The following XYLT1 variants were observed in gnomAD, a reference collection of about 807,000 sequenced individuals.
XYLT1 encodes xylosyltransferase 1, also known as beta-D-xylosyltransferase 1.
In XYLT1, 36 loss-of-function variants were observed where a neutral mutation model predicts 91.3. The ratio of observed to expected loss-of-function variants is 0.39; its 90% CI spans 0.30 to 0.52. XYLT1 has a LOEUF of 0.52. Among genes scored for constraint, XYLT1 ranks in the 20% least tolerant of loss-of-function variants. The probability of loss-of-function intolerance (pLI) is 0.68; values close to 1 mark genes in which losing one functional copy is unlikely to be tolerated. For missense variants in XYLT1, 1,242 were observed against 1,284.5 expected, an observed-to-expected ratio of 0.97 and a Z score of 0.51; for synonymous variants, 588 against 532.0, an observed-to-expected ratio of 1.11 and a Z score of -1.45.
chr16:17,262,586 G>T lies in XYLT1; in HGVS notation c.403-3088C>A, dbSNP rs562882615. On this transcript the variant is annotated intron_variant, in intron 2 of 11. Coordinates refer to ENST00000261381, the MANE Select transcript of XYLT1 (RefSeq NM_022166.4). ...AATCATTTCTGTTCCATTCCTTCTA[G>T]GGATGTGTTAGGATTGTATGTCCCT... Among the ~76,000 whole-genome samples the T allele has an allele frequency of 9.9e-5, 15 of 152,262 alleles. No homozygotes were observed. The East Asian group carries it at 2.5e-3, about 25-fold the overall frequency.
At chr16:17,141,016 AC>A in intron 7 of XYLT1, 136 bp downstream of exon 7, 1 of 838,614 alleles carries the variant, frequency 1.2e-6, no homozygotes, top group South Asian at 1.6e-5. Flanking sequence ...TCCTGCTAAG[AC>A]AGCAAGGATG....
intron 11 of XYLT1, among the ~76,000 whole-genome samples, chr16:17,112,679 T>C (rs1966844495): frequency 6.6e-6 from 1 of 152,100 alleles, no homozygotes; most frequent in South Asian, 2.1e-4. Context: ...GGGGGTGGGA[T>C]TGGGCCTGGT....
chr16:17,456,332 C>CA (rs2036741551), intron 1 of XYLT1, among the ~76,000 whole-genome samples: 1 of 114,176 alleles, frequency 8.8e-6, no homozygotes, highest in Non-Finnish European at 1.7e-5. Flanking sequence ...CAGTACAAAC[C>CA]TTTTTTTTTT....
intron 1 of XYLT1, among the ~76,000 whole-genome samples, chr16:17,379,986 A>C (rs914376392): frequency 6.6e-6 from 1 of 152,108 alleles, no homozygotes; most frequent in Non-Finnish European, 1.5e-5. Context: ...TCTGGCAACA[A>C]TGCTAAGAGG....
intron 2 of XYLT1, among the ~76,000 whole-genome samples, chr16:17,292,767 G>A (rs559524406): frequency 6.6e-6 from 1 of 152,234 alleles, no homozygotes; most frequent in African/African-American, 2.4e-5. Context: ...CCCACACATG[G>A]TCTTTCAGAA....
chr16:17,197,758 C>T (rs1472429835), intron 5 of XYLT1, among the ~76,000 whole-genome samples: 3 of 152,220 alleles, frequency 2.0e-5, no homozygotes, highest in South Asian at 4.1e-4. Context: ...AGACTGAAGA[C>T]TGCACTGTGG....
intron 2 of XYLT1, among the ~76,000 whole-genome samples, chr16:17,333,582 AT>A (rs2034933819): frequency 7.6e-6 from 1 of 132,042 alleles, no homozygotes; most frequent in South Asian, 2.3e-4. Flanking sequence ...TAATTAATTA[AT>A]TTAATTTATT....
chr16:17,292,468 G>C (rs2034244830), intron 2 of XYLT1, among the ~76,000 whole-genome samples: 1 of 152,052 alleles, frequency 6.6e-6, no homozygotes, highest in Non-Finnish European at 1.5e-5. Context: ...CTCTGTATTT[G>C]CTGAGCTGAT....
chr16:17,306,950 A>G (rs942452041), intron 2 of XYLT1, among the ~76,000 whole-genome samples: 1 of 152,196 alleles, frequency 6.6e-6, no homozygotes, highest in Non-Finnish European at 1.5e-5. Flanking sequence ...TCAGAGCTGA[A>G]GCCTGAACTT....
At chr16:17,182,508 G>C (rs562698012) in intron 5 of XYLT1, among the ~76,000 whole-genome samples, 33 of 152,278 alleles carry the variant, frequency 2.2e-4, no homozygotes, top group Admixed American at 2.0e-3. Flanking sequence ...ACAAGGGTTA[G>C]AGCTTCGACA....
chr16:17,326,933 A>C (rs1287185224), intron 2 of XYLT1, among the ~76,000 whole-genome samples: 1 of 152,226 alleles, frequency 6.6e-6, no homozygotes, highest in Non-Finnish European at 1.5e-5. Flanking sequence ...AAATTCAAAC[A>C]AGTGCAGAGC....
chr16:17,114,827 A>T (rs1597128040), intron 11 of XYLT1, among the ~76,000 whole-genome samples: 1 of 151,418 alleles, frequency 6.6e-6, no homozygotes, highest in Non-Finnish European at 1.5e-5. Flanking sequence ...GGAACATACA[A>T]TTTTTTTTTC....
intron 2 of XYLT1, among the ~76,000 whole-genome samples, chr16:17,357,171 T>TTAA: frequency 7.1e-5 from 1 of 14,052 alleles, no homozygotes; most frequent in African/African-American, 5.0e-4. Context: ...AGACTCGGTC[T>TTAA]CAAAAAAAAA....
At chr16:17,219,280 C>CAAAAAAAAA (rs369055155) in intron 3 of XYLT1, among the ~76,000 whole-genome samples, 9 of 85,034 alleles carry the variant, frequency 1.1e-4, no homozygotes, top group East Asian at 3.2e-4. Flanking sequence ...GACTTTGTCT[C>CAAAAAAAAA]AAAAAAAAAA....
chr16:17,256,823 C>T (rs778636544), intron 3 of XYLT1, among the ~76,000 whole-genome samples: 10 of 152,212 alleles, frequency 6.6e-5, no homozygotes, highest in Non-Finnish European at 1.2e-4. Context: ...GCATGGCTCC[C>T]GGATGCACCG....
chr16:17,328,576 A>AAC (rs2034849554), intron 2 of XYLT1, among the ~76,000 whole-genome samples: 1 of 150,094 alleles, frequency 6.7e-6, no homozygotes, highest in African/African-American at 2.5e-5. Flanking sequence ...AAAAAAAAAA[A>AAC]GAAGGTGTGA....
chr16:17,115,976 A>C (rs1966851452), intron 11 of XYLT1, among the ~76,000 whole-genome samples: 1 of 87,152 alleles, frequency 1.1e-5, no homozygotes, highest in Non-Finnish European at 3.2e-5. Flanking sequence ...ACTGACTTAG[A>C]AAGTAAAAAA....
intron 5 of XYLT1, among the ~76,000 whole-genome samples, chr16:17,179,820 C>T (rs754204822): frequency 6.6e-6 from 1 of 152,122 alleles, no homozygotes; most frequent in Non-Finnish European, 1.5e-5. Flanking sequence ...CTGGGCTGAA[C>T]ATGTTCCTAT....
intron 8 of XYLT1, among the ~76,000 whole-genome samples, chr16:17,136,675 TAACA>T (rs757854533): frequency 1.3e-5 from 2 of 152,204 alleles, no homozygotes; most frequent in Admixed American, 6.5e-5. Flanking sequence ...CTGGATCTTC[TAACA>T]AACAGGGCAC....
Sources: allele counts gnomAD v4.1 joint callset (sites outside exome capture counted in the v4.1 genomes callset), GRCh38; gene constraint gnomAD v4.1.1; transcripts MANE v1.5; gene names NCBI Gene and HGNC (gene_info 2026-07-23, HGNC 2026-07-21).